The following PCDHGA2 variants were observed in gnomAD, a reference collection of about 807,000 sequenced individuals.
PCDHGA2 encodes the protein protocadherin gamma-A2.
A neutral mutation model predicts 59.2 loss-of-function variants in PCDHGA2; 40 were observed. The observed-to-expected ratio is 0.68, with a 90% confidence interval of 0.52 to 0.88. PCDHGA2 has a LOEUF of 0.88. Among genes scored for constraint, PCDHGA2 ranks in the 40% least tolerant of loss-of-function variants. PCDHGA2 has a pLI of 0.00. For synonymous variants in PCDHGA2, 560 were observed against 526.0 expected, an observed-to-expected ratio of 1.06 and a Z score of -0.89; for missense variants, 1,226 against 1,204.0, an observed-to-expected ratio of 1.02 and a Z score of -0.27.
chr5:141,361,358 G>A, intron 1 of PCDHGA2: 1 of 1,613,958 alleles, frequency 6.2e-7, no homozygotes, highest in South Asian at 1.1e-5. Flanking sequence ...GTGACAGACG[G>A]CGCTCTGGAC....
intron 1 of PCDHGA2, chr5:141,370,545 G>T (rs768607566): frequency 6.2e-7 from 1 of 1,613,866 alleles, no homozygotes; most frequent in Non-Finnish European, 8.5e-7. Flanking sequence ...AGGGAACCTC[G>T]CCAAGGACCT....
intron 1 of PCDHGA2, chr5:141,365,056 C>T: frequency 6.2e-7 from 1 of 1,613,906 alleles, no homozygotes; most frequent in Non-Finnish European, 8.5e-7. Flanking sequence ...CGCCCCTGTT[C>T]ACCCCATCCG....
Position 141,511,089 on chromosome 5 carries a change from C to T in PCDHGA2, c.2715C>T (p.Thr905=). The change falls in exon 4 of 4, where the codon ACC becomes ACT. Residue 905 remains threonine (T), a synonymous_variant. Transcript: ENST00000394576. ...TCCCAGGCAGCAATGCCACACTGAC[C>T]AACGCAGCTGGCAAGCGGGATGGCA... is the stretch of plus-strand genomic sequence containing the variant. ...VYIPGSNATL[T]NAAGKRDGKA... 1 of 1,614,212 alleles carries T rather than the reference C, an allele frequency of 6.2e-7. No individual in the cohort carries two copies. Among genetic ancestry groups the T allele is most frequent in the Non-Finnish European group, 8.5e-7 (1 of 1,180,026 alleles).
intron 2 of PCDHGA2, among the ~76,000 whole-genome samples, chr5:141,498,976 GGAAGGAAGGAAGGAA>G (rs1562186940): frequency 1.5e-4 from 2 of 13,010 alleles, no homozygotes; most frequent in Admixed American, 2.9e-3. Context: ...AGGGAGGGAA[GGAAGGAAGGAAGGAA>G]GGAAGGAAGG....
At chr5:141,421,774 C>G (rs767599830) in intron 1 of PCDHGA2, 27 of 1,613,772 alleles carry the variant, frequency 1.7e-5, no homozygotes, top group Middle Eastern at 1.6e-4. Context: ...TTCCTTGCAA[C>G]TGCGGGGCAG....
At chr5:141,358,893 T>C (rs1192445268) in intron 1 of PCDHGA2, among the ~76,000 whole-genome samples, 1 of 152,250 alleles carries the variant, frequency 6.6e-6, no homozygotes, top group African/African-American at 2.4e-5. Flanking sequence ...GGGATTATTT[T>C]ATATGAGGGA....
At chr5:141,484,878 G>C (rs2099602522) in intron 1 of PCDHGA2, 1 of 341,888 alleles carries the variant, frequency 2.9e-6, no homozygotes, top group Non-Finnish European at 5.3e-6. Flanking sequence ...TGGAGGATAG[G>C]GTGGGCTTTT....
rs949391796 is a variant in PCDHGA2 at position 141,493,050 on chromosome 5, A to G, written c.2425-1757A>G. 6.6e-6 allele frequency among the ~76,000 whole-genome samples: 1 copy of G among 152,262 alleles called. No homozygotes were observed. The highest frequency in any genetic ancestry group is 2.4e-5 in the African/African-American group (1 of 41,464). On this transcript the variant is annotated intron_variant, in intron 1 of 3. Coordinates refer to ENST00000394576, the MANE Select transcript of PCDHGA2 (RefSeq NM_018915.4). The surrounding 1 kb of genome is among the most constrained non-coding windows in gnomAD (Gnocchi z 4.3). Reference sequence around the variant, plus strand: ...CCCTTATGTGTGAGGAAACTACAATAGTAAAAAACACAAGTTTCTCCAACT... The same window carrying G: ...CCCTTATGTGTGAGGAAACTACAATGGTAAAAAACACAAGTTTCTCCAACT...
In PCDHGA2 at chr5:141,461,039, C is replaced by T. The variant is rs1026091108; in HGVS notation, c.2425-33768C>T. On this transcript the variant is annotated intron_variant, in intron 1 of 3. Coordinates refer to ENST00000394576, the MANE Select transcript of PCDHGA2 (RefSeq NM_018915.4). ...ACATTTTCTTTATCCACTCATTAGT[C>T]GATGGGGACTTAGGTTGGTTTCACA... is the stretch of plus-strand genomic sequence containing the variant. 2.7e-5 allele frequency among the ~76,000 whole-genome samples: 4 copies of T among 150,906 alleles called. No homozygotes were observed. In the East Asian group the frequency reaches 7.8e-4, roughly 29 times the overall value.
Position 141,402,817 on chromosome 5 carries a change from C to T in PCDHGA2, c.2424+61422C>T, listed in dbSNP as rs1040353038. On this transcript the variant is annotated intron_variant, in intron 1 of 3. Transcript: ENST00000394576. ...ACAAAACCCGGCAGATACCACAAACCTGCTCCCAGGCTGCAGCAAAACTCA... is the reference window on the plus strand; with the variant it reads ...ACAAAACCCGGCAGATACCACAAACTTGCTCCCAGGCTGCAGCAAAACTCA... The T allele has an allele frequency of 6.3e-6, 8 of 1,267,616 alleles. No homozygotes were observed. In the African/African-American group the frequency reaches 1.2e-4, roughly 19 times the overall value. The allele number at this position is 1,267,616 out of a possible 1,614,324, so 78.5% of individuals were successfully genotyped here.
In PCDHGA2 at chr5:141,393,242, C is replaced by T. The variant is rs151037104; in HGVS notation, c.2424+51847C>T. 1,015 of 1,613,778 alleles carry T rather than the reference C, an allele frequency of 6.3e-4. 8 individuals carry two copies. The African/African-American group carries it at 0.012, about 18-fold the overall frequency. ...TCGAAGATCTAGAAGTAAAAATTAA[C>T]GAAATCGCGGTTCCTGGAGCACGTT... is the stretch of plus-strand genomic sequence containing the variant. On this transcript the variant is annotated intron_variant, in intron 1 of 3. Coordinates refer to ENST00000394576, the MANE Select transcript of PCDHGA2 (RefSeq NM_018915.4).
intron 1 of PCDHGA2, chr5:141,385,874 A>G (rs1465622834): frequency 6.5e-6 from 1 of 153,030 alleles, no homozygotes; most frequent in Non-Finnish European, 1.5e-5. Context: ...GGTTGGATTT[A>G]TGCCTAAAGA....
rs1561685937 is a variant in PCDHGA2 at position 141,403,112 on chromosome 5, C to T, written c.2424+61717C>T. On this transcript the variant is annotated intron_variant, in intron 1 of 3. Coordinates refer to ENST00000394576, the MANE Select transcript of PCDHGA2 (RefSeq NM_018915.4). ...GGGCAACATCTCCAAGGACCTGGCT[C>T]TGGAGCCCCGGGAGCTGGCGGAGCG... 5.6e-6 allele frequency: 9 copies of T among 1,614,074 alleles called. No individual in the cohort carries two copies. In the East Asian group the frequency reaches 2.0e-4, roughly 36 times the overall value.
At chr5:141,389,088 T>G (rs774714581) in intron 1 of PCDHGA2, 2 of 1,613,894 alleles carry the variant, frequency 1.2e-6, no homozygotes, top group Non-Finnish European at 1.7e-6. Context: ...CACGTATAAA[T>G]TAGTGACAGA....
At chr5:141,469,836 T>C (rs2099212875) in intron 1 of PCDHGA2, among the ~76,000 whole-genome samples, 1 of 152,064 alleles carries the variant, frequency 6.6e-6, no homozygotes, top group South Asian at 2.1e-4. Flanking sequence ...ATAAAACTTA[T>C]TCTTAAGATT....
chr5:141,347,648 A>G lies in PCDHGA2; in HGVS notation c.2424+6253A>G, dbSNP rs539678995. 2.6e-5 allele frequency among the ~76,000 whole-genome samples: 4 copies of G among 152,140 alleles called. No individual in the cohort carries two copies. In the South Asian group the frequency reaches 6.2e-4, roughly 24 times the overall value. On this transcript the variant is annotated intron_variant, in intron 1 of 3. Coordinates refer to ENST00000394576, the MANE Select transcript of PCDHGA2 (RefSeq NM_018915.4). ...CTAAAAATACAAAAATTAGCTGGGC[A>G]TGGTGGTGGGCGCCTGTAATCCAAG...
At chr5:141,419,793 C>T in intron 1 of PCDHGA2, 1 of 1,614,072 alleles carries the variant, frequency 6.2e-7, no homozygotes, top group East Asian at 2.2e-5. Flanking sequence ...CTGCTAGTCG[C>T]TGTAAGAGAT....
chr5:141,458,464 G>A (rs1035826436), intron 1 of PCDHGA2, among the ~76,000 whole-genome samples: 30 of 152,030 alleles, frequency 2.0e-4, no homozygotes, highest in Admixed American at 9.8e-4. Flanking sequence ...TTAAAATACC[G>A]TACAACTGCA....
chr5:141,503,608 A>G (rs1451651299), intron 2 of PCDHGA2, among the ~76,000 whole-genome samples: 3 of 151,994 alleles, frequency 2.0e-5, no homozygotes, highest in South Asian at 2.1e-4. Flanking sequence ...CAAAAAAAAA[A>G]AAAAAAGAAA....
Sources: allele counts gnomAD v4.1 joint callset (sites outside exome capture counted in the v4.1 genomes callset), GRCh38; gene constraint gnomAD v4.1.1; non-coding constraint Gnocchi (gnomAD v3.1); transcripts MANE v1.5; gene names NCBI Gene and HGNC (gene_info 2026-07-23, HGNC 2026-07-21).